The following PKD2 variants were observed in gnomAD, a reference collection of about 807,000 sequenced individuals.
PKD2 encodes the protein polycystin-2.
In PKD2, 48 loss-of-function variants were observed where a neutral mutation model predicts 105.9. The ratio of observed to expected loss-of-function variants is 0.45; its 90% CI spans 0.36 to 0.58. PKD2 has a LOEUF of 0.58. Ranked by LOEUF, PKD2 falls within the 20% of genes least tolerant of loss-of-function variation. The probability of loss-of-function intolerance (pLI) is 0.00; values close to 1 mark genes in which losing one functional copy is unlikely to be tolerated. For synonymous variants in PKD2, 464 were observed against 481.1 expected (o/e 0.96, Z 0.46); for missense variants, 1,078 against 1,255.3 (o/e 0.86, Z 2.13).
intron 4 of PKD2, among the ~76,000 whole-genome samples, chr4:88,041,869 C>T (rs1437464399): frequency 6.6e-6 from 1 of 152,166 alleles, no homozygotes; most frequent in African/African-American, 2.4e-5. Context: ...AAAGAAAGGC[C>T]ATCTCAGGCC....
chr4:88,025,234 G>A (rs188110432), intron 2 of PKD2, among the ~76,000 whole-genome samples: 1 of 152,062 alleles, frequency 6.6e-6, no homozygotes. Context: ...AAGGTGAGAG[G>A]ATCAATTGAG....
At chr4:88,052,618 T>A in intron 7 of PKD2, among the ~76,000 whole-genome samples, 1 of 152,158 alleles carries the variant, frequency 6.6e-6, no homozygotes, top group East Asian at 1.9e-4. Flanking sequence ...TGATCATTCC[T>A]CTCACTGTCA....
At chr4:88,070,655 C>T (rs1033650289) in intron 13 of PKD2, among the ~76,000 whole-genome samples, 6 of 130,920 alleles carry the variant, frequency 4.6e-5, no homozygotes, top group African/African-American at 1.7e-4. Context: ...GACAGGGAGA[C>T]AGGGTCTCAC....
chr4:88,066,188 A>T (rs998616420), intron 12 of PKD2, among the ~76,000 whole-genome samples: 3 of 152,180 alleles, frequency 2.0e-5, no homozygotes, highest in Non-Finnish European at 4.4e-5. Flanking sequence ...ATGCTTATTA[A>T]GATTGGGCTA....
intron 2 of PKD2, among the ~76,000 whole-genome samples, chr4:88,024,249 G>A (rs1210697959): frequency 6.6e-6 from 1 of 151,866 alleles, no homozygotes; most frequent in Non-Finnish European, 1.5e-5. Context: ...TTGAGGTCAC[G>A]AGTTCAAGAC....
chr4:88,049,091 C>T (rs920649023), intron 6 of PKD2, among the ~76,000 whole-genome samples: 2 of 152,188 alleles, frequency 1.3e-5, no homozygotes, highest in African/African-American at 4.8e-5. Context: ...TCAATATCAA[C>T]AAAAGACTAG....
Position 88,019,509 on chromosome 4 carries a change from A to C in PKD2, c.647A>C (p.Tyr216Ser). 6.2e-7 allele frequency: 1 copy of C among 1,609,120 alleles called. No individual in the cohort carries two copies. The highest frequency in any genetic ancestry group is 8.5e-7 in the Non-Finnish European group (1 of 1,175,492). ...MEESSTNREKYLKSVLRELVT... is the reference protein window; with the variant it reads ...MEESSTNREKSLKSVLRELVT... ...GAAAGCAGCACTAACCGAGAGAAAT[A>C]CCTTAAAAGTGTTTTACGGGAACTG... Residue 216 changes from tyrosine (Y) to serine (S), a missense_variant, in exon 2 of 15, where the codon TAC (tyrosine) becomes TCC (serine). This residue lies in a region of PKD2 where 868 missense variants were observed against 1,067.3 expected (regional missense o/e 0.81). Coordinates refer to ENST00000237596, the MANE Select transcript of PKD2 (RefSeq NM_000297.4).
In PKD2 at chr4:88,014,803, C is replaced by G. The variant is rs2110085510; in HGVS notation, c.596-4655C>G. The stretch of plus-strand genomic sequence containing the variant: ...CTGGACCAACTGGGCCTCCTAAGGC[C>G]ATTTTGCAGATCTGGGCTTGTTTCT... On this transcript the variant is annotated intron_variant, in intron 1 of 14. Coordinates refer to ENST00000237596, the MANE Select transcript of PKD2 (RefSeq NM_000297.4). Among the ~76,000 whole-genome samples the G allele has an allele frequency of 2.0e-5, 3 of 152,314 alleles. No homozygotes were observed. In the South Asian group the frequency reaches 6.2e-4, roughly 32 times the overall value.
Position 88,075,590 on chromosome 4 carries a change from C to T in PKD2, c.2803C>T (p.Leu935=), listed in dbSNP as rs957416019. 3.1e-6 allele frequency: 5 copies of T among 1,614,144 alleles called. No homozygotes were observed. Among genetic ancestry groups the T allele is most frequent in the Non-Finnish European group, 3.4e-6 (4 of 1,180,014 alleles). ...TCATGGTTTAGGCACGCCAGTGGGA[C>T]TAAATGGTCAACCTCGCCCCAGAAG... The part of the protein sequence containing the change: ...ISHGLGTPVG[L]NGQPRPRSSR... Residue 935 remains leucine, a synonymous_variant, in exon 15 of 15, where the codon CTA becomes TTA. Transcript: ENST00000237596.
At position 88,074,881 on chromosome 4, in the gene PKD2, C is replaced by G. The variant is rs1224247739; in HGVS notation, c.2592C>G (p.Ile864Met). The change falls in exon 14 of 15, where the codon ATC (isoleucine) becomes ATG (methionine). Residue 864 changes from isoleucine to methionine, a missense_variant. Coordinates refer to ENST00000237596, the MANE Select transcript of PKD2 (RefSeq NM_000297.4). Reference protein sequence around the residue: ...GSIVSKIDAVIVKLEIMERAK... With the variant: ...GSIVSKIDAVMVKLEIMERAK... ...TAGTGTCCAAGATTGACGCCGTGAT[C>G]GTGAAGCTAGAGATTATGGAGCGAG... 6.2e-7 allele frequency: 1 copy of G among 1,614,014 alleles called. No homozygotes were observed. Among genetic ancestry groups the G allele is most frequent in the Non-Finnish European group, 8.5e-7 (1 of 1,179,960 alleles).
chr4:88,007,673 CT>C lies in PKD2; in HGVS notation c.-60del. ...CGCCGGGAAGAAAGGAACATGGCTC[CT>C]GAGGCGCACAGCGCCGAGCGCGGCG... is the stretch of plus-strand genomic sequence containing the variant. On this transcript the variant is annotated 5_prime_UTR_variant, in exon 1 of 15. The change abolishes the stop of an existing upstream ORF in the 5' untranslated region. Coordinates refer to ENST00000237596, the MANE Select transcript of PKD2 (RefSeq NM_000297.4). 9.3e-7 allele frequency: 1 copy of C among 1,073,732 alleles called. No homozygotes were observed. The highest frequency in any genetic ancestry group is 1.1e-6 in the Non-Finnish European group (1 of 881,796). The allele number at this position is 1,073,732 out of a possible 1,614,324, so 66.5% of individuals were successfully genotyped here.
At chr4:88,066,853 G>A (rs1720815707) in intron 12 of PKD2, among the ~76,000 whole-genome samples, 1 of 152,112 alleles carries the variant, frequency 6.6e-6, no homozygotes, top group Non-Finnish European at 1.5e-5. Flanking sequence ...ACAGATGAAT[G>A]TTATTACAAA....
At chr4:88,067,761 A>G (rs1217877192) in intron 12 of PKD2, 137 bp from the exon 13 acceptor site, 1 of 751,132 alleles carries the variant, frequency 1.3e-6, no homozygotes, top group African/African-American at 1.7e-5. Context: ...AAAATGCAGG[A>G]GTCCCAGCCT....
At chr4:88,056,841 T>G (rs2110128012) in intron 8 of PKD2, among the ~76,000 whole-genome samples, 1 of 152,320 alleles carries the variant, frequency 6.6e-6, no homozygotes, top group Non-Finnish European at 1.5e-5. Flanking sequence ...TATCTCGAAT[T>G]AATATTGCTG....
At position 88,038,255 on chromosome 4, in the gene PKD2, C is replaced by T. The variant is rs200759509; in HGVS notation, c.848C>T (p.Thr283Ile). The change falls in exon 4 of 15, where the codon ACA becomes ATA. Residue 283 changes from threonine (T) to isoleucine (I), a missense_variant. Physicochemically the swap from Thr to Ile is moderately conservative, Grantham distance 89. Coordinates refer to ENST00000237596, the MANE Select transcript of PKD2 (RefSeq NM_000297.4). ...LSSMEDFWKF[T>I]EGSLLDGLYW... is the part of the protein sequence containing the mutation. ...AGATGTTTCCTTTGCTTTTAGTTCA[C>T]AGAAGGCTCCTTATTGGATGGGCTG... 9 of 1,614,080 alleles carry T rather than the reference C, an allele frequency of 5.6e-6. No homozygotes were observed. Among genetic ancestry groups the T allele is most frequent in the Non-Finnish European group, 7.6e-6 (9 of 1,179,952 alleles).
In PKD2 at chr4:88,065,840, T is replaced by G; in HGVS notation, c.2319T>G (p.His773Gln). Residue 773 changes from histidine to glutamine, a missense_variant, in exon 12 of 15, where the codon CAT becomes CAG. Coordinates refer to ENST00000237596, the MANE Select transcript of PKD2 (RefSeq NM_000297.4). ...DQDGDQELTE[H>Q]EHQQMRDDLE... The stretch of plus-strand genomic sequence containing the variant: ...ATGGAGACCAAGAACTGACCGAACA[T>G]GAACATCAGCAGATGAGAGACGACT... 6.2e-7 allele frequency: 1 copy of G among 1,613,398 alleles called. No individual in the cohort carries two copies. Among genetic ancestry groups the G allele is most frequent in the South Asian group, 1.1e-5 (1 of 91,074 alleles).
At chr4:88,015,006 AT>A (rs1287725686) in intron 1 of PKD2, among the ~76,000 whole-genome samples, 3 of 152,188 alleles carry the variant, frequency 2.0e-5, no homozygotes, top group African/African-American at 7.2e-5. Context: ...GTTTAATGTC[AT>A]TTGACTCCAG....
chr4:88,066,657 T>C (rs1400154001), intron 12 of PKD2, among the ~76,000 whole-genome samples: 1 of 152,134 alleles, frequency 6.6e-6, no homozygotes, highest in Non-Finnish European at 1.5e-5. Flanking sequence ...CTTTCCTAAA[T>C]TATTAACATT....
intron 13 of PKD2, 26 bp downstream of exon 13, chr4:88,068,087 T>A: frequency 1.2e-6 from 2 of 1,605,690 alleles, no homozygotes; most frequent in Non-Finnish European, 1.7e-6. Flanking sequence ...TTGGCAGAAT[T>A]TGCGTTGACA....
Sources: allele counts gnomAD v4.1 joint callset (sites outside exome capture counted in the v4.1 genomes callset), GRCh38; gene constraint gnomAD v4.1.1; regional missense constraint gnomAD v4.1.1; transcripts MANE v1.5; gene names NCBI Gene and HGNC (gene_info 2026-07-23, HGNC 2026-07-21).